The following CCBE1 variants were observed in gnomAD, a reference collection of about 807,000 sequenced individuals.
The protein encoded by CCBE1 is collagen and calcium-binding EGF domain-containing protein 1.
A neutral mutation model predicts 50.0 loss-of-function variants in CCBE1; 37 were observed. The observed-to-expected ratio is 0.74, with a 90% CI of 0.57 to 0.97. The LOEUF (loss-of-function observed/expected upper bound fraction) is 0.97, where lower values mean the gene tolerates loss of function less well. CCBE1 is among the 50% of genes least tolerant of loss of function. CCBE1 has a pLI of 0.00. For missense variants in CCBE1, 538 were observed against 523.8 expected (o/e 1.03, Z -0.26); for synonymous variants, 234 against 203.7 (o/e 1.15, Z -1.27).
rs1436659361 is a variant in CCBE1, at chr18:59,433,915, T to C, written c.*1993A>G. On this transcript the variant is annotated 3_prime_UTR_variant, in exon 11 of 11. Transcript: ENST00000439986. The stretch of plus-strand genomic sequence containing the variant: ...CCTTTTTTTTTTTTTTTTTTTTTTT[T>C]TAATGAGACAGAGTCTCCCTCTGTT... 8.8e-6 allele frequency: 1 copy of C among 113,802 alleles called. No individual in the cohort carries two copies. The highest frequency in any genetic ancestry group is 1.8e-5 in the Non-Finnish European group (1 of 55,906). The allele number at this position is 113,802 out of a possible 1,614,324, so 7.0% of individuals were successfully genotyped here.
chr18:59,475,391 T>G (rs1169370883), intron 3 of CCBE1, among the ~76,000 whole-genome samples: 1 of 152,240 alleles, frequency 6.6e-6, no homozygotes, highest in African/African-American at 2.4e-5. Context: ...GTATTTAAGT[T>G]CTGGCATTAT....
At chr18:59,522,306 C>T (rs1300249168) in intron 2 of CCBE1, among the ~76,000 whole-genome samples, 1 of 152,084 alleles carries the variant, frequency 6.6e-6, no homozygotes, top group Non-Finnish European at 1.5e-5. Context: ...TAAGATGAAA[C>T]CAATTTTACC....
intron 2 of CCBE1, among the ~76,000 whole-genome samples, chr18:59,634,692 T>TA (rs1314023848): frequency 6.6e-6 from 1 of 152,220 alleles, no homozygotes; most frequent in Non-Finnish European, 1.5e-5. Context: ...ATCATTTATT[T>TA]AAAATAATTA....
At chr18:59,604,783 G>C (rs2053475468) in intron 2 of CCBE1, among the ~76,000 whole-genome samples, 1 of 152,240 alleles carries the variant, frequency 6.6e-6, no homozygotes, top group South Asian at 2.1e-4. Context: ...AATGTACACT[G>C]TCTAGTTTTG....
At chr18:59,696,502 C>G (rs2054805533) in intron 2 of CCBE1, 127 bp downstream of exon 2, 11 of 1,551,336 alleles carry the variant, frequency 7.1e-6, no homozygotes, top group South Asian at 6.9e-5. Context: ...CGGCACGCAC[C>G]CAGCAGGTTC....
chr18:59,617,397 A>G (rs77387322), intron 2 of CCBE1, among the ~76,000 whole-genome samples: 15 of 152,364 alleles, frequency 9.8e-5, no homozygotes, highest in African/African-American at 3.6e-4. Context: ...ATGACCATCC[A>G]TCAGCCCAGC....
intron 2 of CCBE1, among the ~76,000 whole-genome samples, chr18:59,519,263 T>C (rs575718963): frequency 6.6e-6 from 1 of 152,244 alleles, no homozygotes; most frequent in Admixed American, 6.5e-5. Flanking sequence ...CTCCTGGAGT[T>C]TCACCACAGA....
intron 2 of CCBE1, among the ~76,000 whole-genome samples, chr18:59,566,253 T>C (rs867653442): frequency 1.3e-5 from 2 of 152,178 alleles, no homozygotes; most frequent in African/African-American, 4.8e-5. Flanking sequence ...GGGCCATTCA[T>C]AACATAACCA....
At chr18:59,491,198 C>T (rs377330472) in intron 2 of CCBE1, among the ~76,000 whole-genome samples, 8 of 152,150 alleles carry the variant, frequency 5.3e-5, no homozygotes, top group African/African-American at 1.4e-4. Context: ...GATAAACTGA[C>T]CAATATAACA....
intron 2 of CCBE1, among the ~76,000 whole-genome samples, chr18:59,490,897 T>C (rs1913068390): frequency 6.6e-6 from 1 of 152,240 alleles, no homozygotes; most frequent in African/African-American, 2.4e-5. Flanking sequence ...AACAAATCTC[T>C]GCTCTCATTT....
intron 4 of CCBE1, 35 bp from the exon 5 acceptor site, chr18:59,466,926 C>T: frequency 6.3e-7 from 1 of 1,577,744 alleles, no homozygotes; most frequent in South Asian, 1.1e-5. Flanking sequence ...TACTAAGTTT[C>T]TGAGAATTCA....
chr18:59,554,444 C>G (rs191161290), intron 2 of CCBE1, among the ~76,000 whole-genome samples: 35 of 152,322 alleles, frequency 2.3e-4, no homozygotes, highest in African/African-American at 7.9e-4. Flanking sequence ...GATGGTATGA[C>G]TTAAAACTAG....
At chr18:59,669,139 A>C (rs186996004) in intron 2 of CCBE1, among the ~76,000 whole-genome samples, 221 of 152,178 alleles carry the variant, frequency 1.5e-3, no homozygotes, top group African/African-American at 5.0e-3. Context: ...CCCGGCCAAC[A>C]TAAGTCACTT....
At chr18:59,573,308 T>A (rs931890540) in intron 2 of CCBE1, among the ~76,000 whole-genome samples, 5 of 143,712 alleles carry the variant, frequency 3.5e-5, no homozygotes, top group African/African-American at 1.0e-4. Flanking sequence ...TATATGTATG[T>A]ATGTGATAGG....
intron 3 of CCBE1, among the ~76,000 whole-genome samples, chr18:59,474,338 A>C (rs12455300): frequency 0.33 from 50,751 of 152,170 alleles, 8,968 homozygotes; most frequent in East Asian, 0.5. Context: ...TTTAAAACAG[A>C]TTAATAGAAT....
At chr18:59,588,579 G>A (rs1032249122) in intron 2 of CCBE1, among the ~76,000 whole-genome samples, 4 of 152,108 alleles carry the variant, frequency 2.6e-5, no homozygotes, top group Non-Finnish European at 4.4e-5. Context: ...TTTAACTCTT[G>A]TAGGTAATTT....
chr18:59,465,177 A>G (rs1285085642), intron 5 of CCBE1, among the ~76,000 whole-genome samples: 2 of 152,224 alleles, frequency 1.3e-5, no homozygotes, highest in Non-Finnish European at 2.9e-5. Context: ...AAGGCCCTTG[A>G]CATGTAGGCT....
At chr18:59,682,573 T>C (rs561988757) in intron 2 of CCBE1, among the ~76,000 whole-genome samples, 52 of 152,180 alleles carry the variant, frequency 3.4e-4, no homozygotes, top group Non-Finnish European at 6.0e-4. Context: ...GATGCCTCCA[T>C]ACAATTAAAT....
chr18:59,438,242 A>C, intron 9 of CCBE1, 96 bp from the exon 10 acceptor site: 1 of 1,083,610 alleles, frequency 9.2e-7, no homozygotes, highest in East Asian at 2.4e-5. Flanking sequence ...TTCCCTGCAC[A>C]AAACAATAAA....
Sources: allele counts gnomAD v4.1 joint callset (sites outside exome capture counted in the v4.1 genomes callset), GRCh38; gene constraint gnomAD v4.1.1; transcripts MANE v1.5; gene names NCBI Gene and HGNC (gene_info 2026-07-23, HGNC 2026-07-21).